The following SLC35F3 variants were observed in gnomAD, a reference collection of about 807,000 sequenced individuals.
SLC35F3 encodes the protein solute carrier family 35 member F3, also known as putative thiamine transporter SLC35F3.
In SLC35F3, 25 loss-of-function variants were observed where a neutral mutation model predicts 49.9. The observed-to-expected ratio is 0.50, with a 90% CI of 0.37 to 0.70. SLC35F3 has a LOEUF of 0.70. SLC35F3 is among the 30% of genes least tolerant of loss of function. The probability of loss-of-function intolerance (pLI) is 0.00; values close to 1 mark genes in which losing one functional copy is unlikely to be tolerated. For missense variants in SLC35F3, 525 were observed against 639.8 expected (o/e 0.82, Z 1.94); for synonymous variants, 275 against 265.4 (o/e 1.04, Z -0.35).
intron 2 of SLC35F3, among the ~76,000 whole-genome samples, chr1:234,211,911 C>T (rs1026327182): frequency 2.6e-5 from 4 of 152,162 alleles, no homozygotes; most frequent in Non-Finnish European, 4.4e-5. Context: ...ACCCAAATCT[C>T]ATCTTGAATT....
intron 2 of SLC35F3, among the ~76,000 whole-genome samples, chr1:234,163,678 C>A (rs938585925): frequency 6.6e-6 from 1 of 152,218 alleles, no homozygotes; most frequent in Admixed American, 6.5e-5. Flanking sequence ...TAGAGAAGAA[C>A]ATGCACCCAA....
At chr1:234,224,875 G>T (rs1449384931) in intron 2 of SLC35F3, among the ~76,000 whole-genome samples, 1 of 152,096 alleles carries the variant, frequency 6.6e-6, no homozygotes, top group African/African-American at 2.4e-5. Flanking sequence ...GTATGTATTG[G>T]GTGTCTAACC....
chr1:234,134,471 A>G (rs1321902156), intron 2 of SLC35F3, among the ~76,000 whole-genome samples: 1 of 148,490 alleles, frequency 6.7e-6, no homozygotes, highest in Non-Finnish European at 1.5e-5. Context: ...TATTTAATCT[A>G]TATAAAATAT....
chr1:234,071,420 A>C (rs1176326378), intron 2 of SLC35F3, among the ~76,000 whole-genome samples: 7 of 152,028 alleles, frequency 4.6e-5, no homozygotes, highest in African/African-American at 1.7e-4. Flanking sequence ...CGTTCTTGTC[A>C]CTCCTGCTGG....
chr1:233,997,694 T>G (rs978200270), intron 2 of SLC35F3, among the ~76,000 whole-genome samples: 1 of 152,172 alleles, frequency 6.6e-6, no homozygotes, highest in African/African-American at 2.4e-5. Flanking sequence ...TTCTTTTATT[T>G]TGAGAAATAT....
At chr1:233,991,739 A>C (rs1663358274) in intron 2 of SLC35F3, among the ~76,000 whole-genome samples, 1 of 152,228 alleles carries the variant, frequency 6.6e-6, no homozygotes, top group Middle Eastern at 3.2e-3. Context: ...GTATTTTGCA[A>C]CTTCAAAGGT....
At chr1:234,161,262 C>T (rs998405637) in intron 2 of SLC35F3, among the ~76,000 whole-genome samples, 1 of 152,200 alleles carries the variant, frequency 6.6e-6, no homozygotes, top group Non-Finnish European at 1.5e-5. Context: ...ATGATCCCAA[C>T]TTTACAGATG....
At chr1:234,102,594 A>C (rs967505442) in intron 2 of SLC35F3, among the ~76,000 whole-genome samples, 1 of 152,196 alleles carries the variant, frequency 6.6e-6, no homozygotes, top group Non-Finnish European at 1.5e-5. Context: ...GGCGTGTTTC[A>C]TTGCCCAGGA....
chr1:234,048,202 GAA>G (rs1187129122), intron 2 of SLC35F3, among the ~76,000 whole-genome samples: 1 of 152,114 alleles, frequency 6.6e-6, no homozygotes. Flanking sequence ...AAATGTGAGA[GAA>G]GAAAGATAAA....
chr1:234,161,240 G>A (rs1177665649), intron 2 of SLC35F3, among the ~76,000 whole-genome samples: 3 of 152,202 alleles, frequency 2.0e-5, no homozygotes, highest in Non-Finnish European at 4.4e-5. Context: ...GCCTTCCGAG[G>A]TAGGCAGTAT....
At chr1:233,955,600 CCT>C (rs760119539) in intron 2 of SLC35F3, among the ~76,000 whole-genome samples, 4 of 152,174 alleles carry the variant, frequency 2.6e-5, no homozygotes, top group Middle Eastern at 3.4e-3. Context: ...CTTCTGCCCC[CCT>C]GTCTTGCTGC....
chr1:234,136,790 C>G (rs1041364081), intron 2 of SLC35F3, among the ~76,000 whole-genome samples: 1 of 152,242 alleles, frequency 6.6e-6, no homozygotes, highest in Admixed American at 6.5e-5. Flanking sequence ...GCCTGTTGAC[C>G]TGCAGCAGGT....
chr1:234,147,758 C>T (rs886887601), intron 2 of SLC35F3, among the ~76,000 whole-genome samples: 4 of 152,218 alleles, frequency 2.6e-5, no homozygotes, highest in Admixed American at 6.5e-5. Context: ...TTTTTACTTT[C>T]AGACCCTTAG....
At chr1:234,154,917 G>A (rs1666129115) in intron 2 of SLC35F3, among the ~76,000 whole-genome samples, 1 of 152,006 alleles carries the variant, frequency 6.6e-6, no homozygotes, top group African/African-American at 2.4e-5. Context: ...TATATCCGGG[G>A]GCGATTTGAC....
intron 2 of SLC35F3, among the ~76,000 whole-genome samples, chr1:234,108,433 G>GATATATATTATTT (rs1558231498): frequency 6.9e-5 from 5 of 72,760 alleles, no homozygotes; most frequent in Non-Finnish European, 1.3e-4. Flanking sequence ...ATATATAAAA[G>GATATATATTATTT]ATATATATAA....
chr1:234,249,795 T>C (rs1667707324), intron 3 of SLC35F3, among the ~76,000 whole-genome samples: 1 of 152,234 alleles, frequency 6.6e-6, no homozygotes, highest in South Asian at 2.1e-4. Flanking sequence ...TGGGGCATAA[T>C]AACTCAGACA....
rs537024089 is a variant in SLC35F3, at chr1:233,957,764, G to A, written c.283+52006G>A. On this transcript the variant is annotated intron_variant, in intron 2 of 7. Transcript: ENST00000366618. The surrounding 1 kb of genome is among the most constrained non-coding windows in gnomAD (Gnocchi z 4.0). ...CAAGAGGATGAGGTTGCATTGAGCC[G>A]AGACTGCATGATTGCACTCCACCTA... Among the ~76,000 whole-genome samples the A allele has an allele frequency of 7.2e-5, 11 of 152,098 alleles. No homozygotes were observed. The highest frequency in any genetic ancestry group is 2.1e-4 in the South Asian group (1 of 4,802).
At chr1:234,039,808 G>A (rs765589512) in intron 2 of SLC35F3, among the ~76,000 whole-genome samples, 10 of 152,296 alleles carry the variant, frequency 6.6e-5, no homozygotes, top group East Asian at 3.9e-4. Context: ...CTCCATGCAC[G>A]CCCCGCGGCA....
chr1:234,174,759 G>C (rs1277068241), intron 2 of SLC35F3, among the ~76,000 whole-genome samples: 1 of 152,342 alleles, frequency 6.6e-6, no homozygotes, highest in African/African-American at 2.4e-5. Flanking sequence ...TTGTGAGTGG[G>C]CAATCTTGGA....
Sources: gnomAD v4.1 joint callset for allele counts (sites outside exome capture counted in the v4.1 genomes callset) on GRCh38, gnomAD v4.1.1 for gene constraint, Gnocchi (gnomAD v3.1) non-coding constraint, MANE v1.5 for transcripts, NCBI Gene and HGNC (gene_info 2026-07-23, HGNC 2026-07-21) for gene names.